UMODL1: variants seen among roughly 807,000 people sequenced by gnomAD.
UMODL1 encodes the protein uromodulin-like 1.
UMODL1 carries 128 observed loss-of-function variants against 136.3 expected under a neutral mutation model. That is an observed-to-expected ratio of 0.94 (90% CI 0.81 to 1.09). The LOEUF (loss-of-function observed/expected upper bound fraction) is 1.09, where lower values mean the gene tolerates loss of function less well. UMODL1 is among the 50% of genes least tolerant of loss of function. The pLI, the probability that UMODL1 is intolerant of heterozygous loss-of-function variation, is 0.00. For missense variants in UMODL1, 1,766 were observed against 1,725.6 expected (o/e 1.02, Z -0.41); for synonymous variants, 721 against 720.0 (o/e 1.00, Z -0.02).
At chr21:42,095,411 G>A (rs759701066) in intron 6 of UMODL1, among the ~76,000 whole-genome samples, 1 of 151,990 alleles carries the variant, frequency 6.6e-6, no homozygotes, top group Non-Finnish European at 1.5e-5. Flanking sequence ...CATCTTCAAG[G>A]TCAACATCTT....
intron 12 of UMODL1, 131 bp downstream of exon 12, chr21:42,111,841 G>A (rs1207146138): frequency 3.0e-6 from 3 of 999,538 alleles, no homozygotes; most frequent in Admixed American, 2.9e-5. Flanking sequence ...TCCTCATCTT[G>A]TGCGTGTGGA....
Position 42,111,525 on chromosome 21 carries a change from T to C in UMODL1, c.1919T>C (p.Met640Thr), listed in dbSNP as rs375360386. ...GGACAGCTACAGGGAAACTCCATCA[T>C]GGAGCCACCCTCCTGGCCTTCCCCT... ...VEQELQGNSI[M>T]EPPSWPSPTE... is the part of the protein sequence containing the mutation. Residue 640 changes from methionine (M) to threonine (T), a missense_variant, in exon 12 of 23, where the codon ATG (methionine) becomes ACG (threonine). By Grantham distance (81) the Met-to-Thr change is moderately conservative. Coordinates refer to ENST00000408910, the MANE Select transcript of UMODL1 (RefSeq NM_001004416.3). 1.6e-4 allele frequency: 263 copies of C among 1,613,684 alleles called. No individual in the cohort carries two copies. Among genetic ancestry groups the C allele is most frequent in the Non-Finnish European group, 2.1e-4 (251 of 1,179,788 alleles).
chr21:42,066,789 C>T (rs767480704), upstream of UMODL1, among the ~76,000 whole-genome samples: 1 of 152,222 alleles, frequency 6.6e-6, no homozygotes, highest in Non-Finnish European at 1.5e-5. Flanking sequence ...ATGTTGAAAA[C>T]ACGCATGCAG....
intron 1 of UMODL1, among the ~76,000 whole-genome samples, chr21:42,072,793 C>T (rs1454643625): frequency 1.3e-5 from 2 of 152,188 alleles, no homozygotes; most frequent in Non-Finnish European, 2.9e-5. Context: ...CTTGTTGGCC[C>T]CAGAGCATTA....
chr21:42,134,797 A>AT (rs968800994), intron 21 of UMODL1, among the ~76,000 whole-genome samples: 11 of 143,382 alleles, frequency 7.7e-5, no homozygotes, highest in African/African-American at 2.3e-4. Context: ...TTTTTTTTAT[A>AT]TTTTTTTAGT....
chr21:42,095,401 C>T (rs2066545751), intron 6 of UMODL1, among the ~76,000 whole-genome samples: 1 of 152,074 alleles, frequency 6.6e-6, no homozygotes, highest in Admixed American at 6.5e-5. Context: ...AGCCCTACTC[C>T]ATCTTCAAGG....
chr21:42,072,216 G>A (rs1481297679), intron 1 of UMODL1, among the ~76,000 whole-genome samples: 1 of 152,238 alleles, frequency 6.6e-6, no homozygotes, highest in African/African-American at 2.4e-5. Context: ...CATGCGGAGA[G>A]CAGGGCAGCT....
At chr21:42,120,979 TG>T in intron 15 of UMODL1, 107 bp from the exon 16 acceptor site, 2 of 1,408,432 alleles carry the variant, frequency 1.4e-6, no homozygotes, top group Non-Finnish European at 1.9e-6. Context: ...CTGCTGTGGC[TG>T]GAGTTTCCAG....
upstream of UMODL1, among the ~76,000 whole-genome samples, chr21:42,066,359 T>C (rs992859360): frequency 2.6e-5 from 4 of 152,242 alleles, no homozygotes; most frequent in Non-Finnish European, 5.9e-5. Context: ...CTCGGCTCAC[T>C]GCAACCTCCA....
chr21:42,115,557 G>T (rs550854508), intron 13 of UMODL1, among the ~76,000 whole-genome samples: 1 of 152,234 alleles, frequency 6.6e-6, no homozygotes, highest in East Asian at 1.9e-4. Context: ...AGCTTGCTGG[G>T]AAATTGTCTG....
At position 42,090,292 on chromosome 21, in the gene UMODL1, C is replaced by T. The variant is rs1189547918; in HGVS notation, c.791-6C>T. The T allele has an allele frequency of 6.2e-7, 1 of 1,614,108 alleles. No individual in the cohort carries two copies. Among genetic ancestry groups the T allele is most frequent in the African/African-American group, 1.3e-5 (1 of 75,042 alleles). On this transcript the variant is annotated splice_region_variant and splice_polypyrimidine_tract_variant and intron_variant, in intron 5 of 22. Coordinates refer to ENST00000408910, the MANE Select transcript of UMODL1 (RefSeq NM_001004416.3). ...TGAGTGTGGGTCCTGCTCTCCTTCC[C>T]TGTAGATGTCAATGAGTGTTTCTAT...
chr21:42,117,742 A>T (rs181993141), intron 14 of UMODL1, among the ~76,000 whole-genome samples: 3 of 152,318 alleles, frequency 2.0e-5, no homozygotes, highest in Admixed American at 6.5e-5. Context: ...TTGTGCATTC[A>T]ACAGTTGTTG....
In UMODL1 at chr21:42,104,107, C is replaced by A; in HGVS notation, c.1519+20C>A. On this transcript the variant is annotated intron_variant, in intron 9 of 22. Coordinates refer to ENST00000408910, the MANE Select transcript of UMODL1 (RefSeq NM_001004416.3). ...TGCAAGGTATGGCCCAGCCACCCGC[C>A]CTGCTGCCTGGTGTCCTCCAGCTCA... is the stretch of plus-strand genomic sequence containing the variant. 1 of 1,593,036 alleles carries A rather than the reference C, an allele frequency of 6.3e-7. No homozygotes were observed. Among genetic ancestry groups the A allele is most frequent in the South Asian group, 1.1e-5 (1 of 89,976 alleles).
rs2067295445 is a variant in UMODL1, at chr21:42,142,426, C to G, written c.*352C>G. 1 of 152,286 alleles carries G rather than the reference C, an allele frequency of 6.6e-6. No individual in the cohort carries two copies. The highest frequency in any genetic ancestry group is 2.1e-4 in the South Asian group (1 of 4,834). The allele number at this position is 152,286 out of a possible 1,614,324, so 9.4% of individuals were successfully genotyped here. A position where few individuals can be genotyped will look rare whatever the true frequency, so the allele number is the denominator to read the frequency against. ...CCCGCGCGGCCCCCGCAGCCTAGACCTCCCAGGCCTGTGACCCTCCACACC... is the reference window on the plus strand; with the variant it reads ...CCCGCGCGGCCCCCGCAGCCTAGACGTCCCAGGCCTGTGACCCTCCACACC... On this transcript the variant is annotated 3_prime_UTR_variant, in exon 23 of 23. Transcript: ENST00000408910.
chr21:42,094,868 A>G lies in UMODL1; in HGVS notation c.932-4058A>G, dbSNP rs1266017575. 2.0e-5 allele frequency among the ~76,000 whole-genome samples: 3 copies of G among 151,302 alleles called. No homozygotes were observed. The East Asian group carries it at 5.8e-4, about 29-fold the overall frequency. ...TGTAAGTTTCCCGGGTTTCCCTAACAAAGGCCCATGAACTGGGTGGCTTCA... is the reference window on the plus strand; with the variant it reads ...TGTAAGTTTCCCGGGTTTCCCTAACGAAGGCCCATGAACTGGGTGGCTTCA... On this transcript the variant is annotated intron_variant, in intron 6 of 22. Transcript: ENST00000408910.
chr21:42,135,704 G>T (rs2067197018), intron 21 of UMODL1, among the ~76,000 whole-genome samples: 1 of 152,164 alleles, frequency 6.6e-6, no homozygotes, highest in Admixed American at 6.5e-5. Context: ...CGGGATCTGG[G>T]GGCCTCGGTT....
chr21:42,137,337 C>T (rs895590215), intron 21 of UMODL1, 102 bp from the exon 22 acceptor site: 30 of 1,437,670 alleles, frequency 2.1e-5, no homozygotes, highest in South Asian at 1.0e-4. Context: ...TTGCATTCCC[C>T]GTGCTTCAGA....
Position 42,115,998 on chromosome 21 carries a change from TA to T in UMODL1, c.2475+14del. ...ATTCTTCAGGATGGTGAGTTGGTGA[TA>T]TCAGCCCTTAATTCCTTTCAGGAGG... On this transcript the variant is annotated intron_variant, in intron 14 of 22. Transcript: ENST00000408910. 6.3e-7 allele frequency: 1 copy of T among 1,598,756 alleles called. No individual in the cohort carries two copies. Among genetic ancestry groups the T allele is most frequent in the Non-Finnish European group, 8.6e-7 (1 of 1,166,680 alleles).
chr21:42,135,710 C>T lies in UMODL1; in HGVS notation c.3776-1729C>T, dbSNP rs561017575. Among the ~76,000 whole-genome samples the T allele has an allele frequency of 9.2e-5, 14 of 152,120 alleles. No individual in the cohort carries two copies. In the South Asian group the frequency reaches 1.5e-3, roughly 16 times the overall value. ...GTGGCCGGCCGGGATCTGGGGGCCTCGGTTTCTTGGGGAGGGTGGAGTCAC... is the reference window on the plus strand; with the variant it reads ...GTGGCCGGCCGGGATCTGGGGGCCTTGGTTTCTTGGGGAGGGTGGAGTCAC... On this transcript the variant is annotated intron_variant, in intron 21 of 22. Transcript: ENST00000408910.
Sources: allele counts gnomAD v4.1 joint callset (sites outside exome capture counted in the v4.1 genomes callset), GRCh38; gene constraint gnomAD v4.1.1; transcripts MANE v1.5; gene names NCBI Gene and HGNC (gene_info 2026-07-23, HGNC 2026-07-21).